Variants in NBAS observed in about 807,000 individuals in gnomAD.
NBAS encodes the protein NAG/BC035112 fusion.
In NBAS, 219 loss-of-function variants were observed where a neutral mutation model predicts 302.5. The ratio of observed to expected loss-of-function variants is 0.72; its 90% CI spans 0.65 to 0.81. The LOEUF is 0.81. NBAS is among the 30% of genes least tolerant of loss of function. The pLI, the probability that NBAS is intolerant of heterozygous loss-of-function variation, is 0.00. For synonymous variants in NBAS, 1,118 were observed against 1,021.6 expected (o/e 1.09, Z -1.80); for missense variants, 2,932 against 2,841.6 (o/e 1.03, Z -0.72).
the NBAS span, among the ~76,000 whole-genome samples, chr2:14,796,688 A>G: frequency 1.3e-5 from 2 of 152,136 alleles, no homozygotes; most frequent in East Asian, 1.9e-4. Flanking sequence ...AAGCCTGAAA[A>G]ACAAGCTGCT....
chr2:15,234,496 T>C, intron 46 of NBAS, 49 bp downstream of exon 46: 1 of 1,580,640 alleles, frequency 6.3e-7, no homozygotes. Flanking sequence ...GCACCATCAC[T>C]GACAAAGTGT....
Position 15,424,484 on chromosome 2 carries a change from G to C in NBAS, c.2424-16C>G. 2 of 1,613,730 alleles carry C rather than the reference G, an allele frequency of 1.2e-6. No homozygotes were observed. The highest frequency in any genetic ancestry group is 1.7e-6 in the Non-Finnish European group (2 of 1,179,712). On this transcript the variant is annotated splice_polypyrimidine_tract_variant and intron_variant, in intron 22 of 51. Transcript: ENST00000281513. ...AACAACCATTCTGTGAAGCACAAAA[G>C]GACCAATTAATAACTGACTAGAATG...
chr2:14,891,718 G>A, the NBAS span, among the ~76,000 whole-genome samples: 8 of 152,272 alleles, frequency 5.3e-5, no homozygotes, highest in East Asian at 3.9e-4. Flanking sequence ...AGGCCCATGC[G>A]TTTCCCCTCA....
the NBAS span, among the ~76,000 whole-genome samples, chr2:15,052,284 A>T: frequency 6.6e-6 from 1 of 152,146 alleles, no homozygotes; most frequent in African/African-American, 2.4e-5. Flanking sequence ...ATATCCATAT[A>T]TTTTCCTTGA....
At chr2:14,855,340 G>T in the NBAS span, among the ~76,000 whole-genome samples, 1 of 152,102 alleles carries the variant, frequency 6.6e-6, no homozygotes, top group African/African-American at 2.4e-5. Flanking sequence ...CACCTAACCA[G>T]CTGTGGTGTC....
In NBAS at chr2:15,343,458, C is replaced by T. The variant is rs73914826; in HGVS notation, c.4179+8534G>A. Among the ~76,000 whole-genome samples the T allele has an allele frequency of 6.7e-3, 1,014 of 152,148 alleles. 16 individuals carry two copies. Among genetic ancestry groups the T allele is most frequent in the African/African-American group, 0.023 (964 of 41,518 alleles). On this transcript the variant is annotated intron_variant, in intron 35 of 51. Transcript: ENST00000281513. The stretch of plus-strand genomic sequence containing the variant: ...AAAATTAATAAAGCAATAATTGTAA[C>T]AAAAATTCAGCCCAAATAAAATTAT...
At chr2:14,921,957 C>T in the NBAS span, among the ~76,000 whole-genome samples, 1 of 152,196 alleles carries the variant, frequency 6.6e-6, no homozygotes, top group Non-Finnish European at 1.5e-5. Flanking sequence ...TACCACTGTT[C>T]CTATTCAAAT....
chr2:15,428,120 T>C (rs1677571048), intron 21 of NBAS, among the ~76,000 whole-genome samples: 1 of 152,184 alleles, frequency 6.6e-6, no homozygotes, highest in East Asian at 1.9e-4. Flanking sequence ...CCAACATAAA[T>C]GGTCTTCTGG....
At chr2:15,555,476 A>T (rs1052241838) in intron 3 of NBAS, among the ~76,000 whole-genome samples, 4 of 152,130 alleles carry the variant, frequency 2.6e-5, no homozygotes, top group Non-Finnish European at 5.9e-5. Context: ...AAAAACAAAA[A>T]GAGCTAGCTG....
At chr2:15,145,133 C>T in the NBAS span, among the ~76,000 whole-genome samples, 4 of 152,234 alleles carry the variant, frequency 2.6e-5, no homozygotes, top group East Asian at 7.7e-4. Context: ...AGGACGTACA[C>T]ATCCCATGGC....
At chr2:15,206,712 T>G (rs1666163457) in intron 48 of NBAS, among the ~76,000 whole-genome samples, 1 of 152,188 alleles carries the variant, frequency 6.6e-6, no homozygotes, top group Non-Finnish European at 1.5e-5. Context: ...AACACAGAGC[T>G]CAGGCCATTG....
At chr2:15,332,082 T>C (rs1440484588) in intron 35 of NBAS, among the ~76,000 whole-genome samples, 1 of 152,190 alleles carries the variant, frequency 6.6e-6, no homozygotes, top group African/African-American at 2.4e-5. Context: ...CCAAAGAATG[T>C]AGGCAGCCTG....
chr2:15,299,216 C>T (rs1670687647), intron 40 of NBAS, among the ~76,000 whole-genome samples: 1 of 152,154 alleles, frequency 6.6e-6, no homozygotes, highest in African/African-American at 2.4e-5. Flanking sequence ...CATAAAAAGC[C>T]ATTCATAATT....
At chr2:14,905,328 T>C in the NBAS span, among the ~76,000 whole-genome samples, 1 of 152,260 alleles carries the variant, frequency 6.6e-6, no homozygotes, top group Non-Finnish European at 1.5e-5. Context: ...AGTAAATGTT[T>C]GTTGAATAAA....
the NBAS span, among the ~76,000 whole-genome samples, chr2:15,058,626 T>C: frequency 2.0e-5 from 3 of 152,188 alleles, no homozygotes; most frequent in Non-Finnish European, 4.4e-5. Context: ...TCTAGGTTAT[T>C]GTACTCAGTG....
chr2:15,273,861 G>A (rs542439519), intron 44 of NBAS, among the ~76,000 whole-genome samples: 9 of 151,962 alleles, frequency 5.9e-5, no homozygotes, highest in South Asian at 4.2e-4. Flanking sequence ...GGATCACGAC[G>A]TCAGGAGATC....
chr2:15,121,103 A>C, the NBAS span, among the ~76,000 whole-genome samples: 1 of 152,090 alleles, frequency 6.6e-6, no homozygotes, highest in Admixed American at 6.5e-5. Context: ...GGATACAATT[A>C]TTTGTCGATT....
chr2:15,374,653 C>T lies in NBAS; in HGVS notation c.3658G>A (p.Val1220Ile), dbSNP rs543195772. 59 of 1,613,932 alleles carry T rather than the reference C, an allele frequency of 3.7e-5. No homozygotes were observed. The highest frequency in any genetic ancestry group is 3.3e-4 in the Middle Eastern group (2 of 6,056). Residue 1220 changes from valine to isoleucine, a missense_variant, in exon 31 of 52, where the codon GTT becomes ATT. Transcript: ENST00000281513. ...IQEELDLIQA[V>I]GCLEEFGVKI... ...ACCCCAAATTCTTCAAGACATCCAACGGCTTGGATAAGATCTAGCTCCTCT... is the reference window on the plus strand; with the variant it reads ...ACCCCAAATTCTTCAAGACATCCAATGGCTTGGATAAGATCTAGCTCCTCT...
intron 51 of NBAS, among the ~76,000 whole-genome samples, chr2:15,170,351 G>A (rs1331737627): frequency 6.6e-6 from 1 of 152,218 alleles, no homozygotes; most frequent in Non-Finnish European, 1.5e-5. Context: ...GAAGGGCAGG[G>A]TAGGCTGTCT....
Sources: gnomAD v4.1 joint callset for allele counts (sites outside exome capture counted in the v4.1 genomes callset) on GRCh38, gnomAD v4.1.1 for gene constraint, MANE v1.5 for transcripts, NCBI Gene and HGNC (gene_info 2026-07-23, HGNC 2026-07-21) for gene names.